The following SIPA1L3 variants were observed in gnomAD, a reference collection of about 807,000 sequenced individuals.
SIPA1L3 encodes the protein signal-induced proliferation-associated 1-like protein 3.
Under a neutral mutation model 150.1 loss-of-function variants are expected in SIPA1L3, and 59 were observed. The observed-to-expected ratio is 0.39, with a 90% CI of 0.32 to 0.49. The LOEUF (loss-of-function observed/expected upper bound fraction) is 0.49, where lower values mean the gene tolerates loss of function less well. SIPA1L3 is among the 20% of genes least tolerant of loss of function. SIPA1L3 has a pLI of 0.86. For missense variants in SIPA1L3, 2,211 were observed against 2,489.5 expected (o/e 0.89, Z 2.38); for synonymous variants, 1,070 against 1,077.6 (o/e 0.99, Z 0.14).
At chr19:38,078,955 C>T (rs1969916285) in intron 2 of SIPA1L3, among the ~76,000 whole-genome samples, 1 of 152,136 alleles carries the variant, frequency 6.6e-6, no homozygotes. Context: ...GCACAGACTC[C>T]CTTCCCCAGG....
chr19:38,142,236 A>T (rs1971603150), intron 11 of SIPA1L3, among the ~76,000 whole-genome samples: 2 of 152,216 alleles, frequency 1.3e-5, no homozygotes, highest in Admixed American at 1.3e-4. Flanking sequence ...TTTTCCAAAA[A>T]ATGAAGGAAT....
chr19:38,126,631 G>A (rs899128928), intron 9 of SIPA1L3, among the ~76,000 whole-genome samples: 7 of 151,690 alleles, frequency 4.6e-5, no homozygotes, highest in African/African-American at 9.7e-5. Context: ...CCGCCTCCCC[G>A]GTTCAAGCGA....
At position 38,201,967 on chromosome 19, in the gene SIPA1L3, C is replaced by T. The variant is rs891810971; in HGVS notation, c.5090C>T (p.Pro1697Leu). 2 of 1,613,406 alleles carry T rather than the reference C, an allele frequency of 1.2e-6. No homozygotes were observed. Among genetic ancestry groups the T allele is most frequent in the Non-Finnish European group, 1.7e-6 (2 of 1,179,746 alleles). The part of the protein sequence containing the change: ...VHSHLSLERG[P>L]PTPRTTPTMS... ...AGCCACCTGAGCCTGGAGAGGGGAC[C>T]CCCGACCCCCAGGACCACCCCTACC... The change falls in exon 20 of 22, where the codon CCC (proline) becomes CTC (leucine). Residue 1697 changes from proline to leucine, a missense_variant. Transcript: ENST00000222345.
intron 15 of SIPA1L3, among the ~76,000 whole-genome samples, chr19:38,175,829 G>A (rs1972423156): frequency 6.6e-6 from 1 of 152,216 alleles, no homozygotes; most frequent in Non-Finnish European, 1.5e-5. Context: ...CAGGTGGACA[G>A]CAAAGCCCAC....
At chr19:37,962,646 C>T (rs1002455169) in intron 1 of SIPA1L3, among the ~76,000 whole-genome samples, 5 of 151,580 alleles carry the variant, frequency 3.3e-5, no homozygotes, top group East Asian at 1.9e-4. Context: ...GTGTGTTTGG[C>T]GAGGGTGTGC....
intron 10 of SIPA1L3, among the ~76,000 whole-genome samples, chr19:38,137,492 ATT>A (rs57123423): frequency 0.26 from 38,944 of 147,468 alleles, 7,154 homozygotes; most frequent in African/African-American, 0.53. Context: ...CCTGGCCCAT[ATT>A]TTTTTTTTTT....
chr19:38,089,812 A>T (rs1377807364), intron 4 of SIPA1L3, among the ~76,000 whole-genome samples: 1 of 152,234 alleles, frequency 6.6e-6, no homozygotes, highest in African/African-American at 2.4e-5. Flanking sequence ...AATAGCATTC[A>T]TTGGTTCATG....
At chr19:37,946,472 G>C (rs2046713248) in intron 1 of SIPA1L3, among the ~76,000 whole-genome samples, 1 of 152,174 alleles carries the variant, frequency 6.6e-6, no homozygotes, top group Non-Finnish European at 1.5e-5. Context: ...GTAACCAAAA[G>C]TTACCAAAGT....
intron 1 of SIPA1L3, among the ~76,000 whole-genome samples, chr19:38,018,509 A>G (rs1419855923): frequency 3.3e-5 from 5 of 152,092 alleles, no homozygotes; most frequent in African/African-American, 1.2e-4. Context: ...ATGTAAATGG[A>G]ACTGTATAAT....
chr19:38,069,136 G>A (rs1244297638), intron 2 of SIPA1L3, among the ~76,000 whole-genome samples: 13 of 152,150 alleles, frequency 8.5e-5, no homozygotes, highest in Non-Finnish European at 1.5e-5. Flanking sequence ...TAAAAATCCA[G>A]TGGGCTAAGT....
At chr19:38,005,429 T>G (rs78620994) in intron 1 of SIPA1L3, among the ~76,000 whole-genome samples, 2,110 of 152,124 alleles carry the variant, frequency 0.014, 48 homozygotes, top group African/African-American at 0.046. Flanking sequence ...CACCATGTCT[T>G]CGCCTTGCTC....
intron 2 of SIPA1L3, among the ~76,000 whole-genome samples, chr19:38,079,800 C>T (rs527797861): frequency 6.6e-6 from 1 of 151,004 alleles, no homozygotes; most frequent in Non-Finnish European, 1.5e-5. Context: ...AAGTGATCCA[C>T]CCGCCTTGGC....
intron 1 of SIPA1L3, among the ~76,000 whole-genome samples, chr19:37,985,001 T>G (rs1010212103): frequency 1.7e-4 from 26 of 152,212 alleles, no homozygotes; most frequent in African/African-American, 6.3e-4. Flanking sequence ...TAGTCCTTGC[T>G]GTCCTGGAGT....
At chr19:37,993,437 T>C (rs1264549269) in intron 1 of SIPA1L3, among the ~76,000 whole-genome samples, 2 of 152,216 alleles carry the variant, frequency 1.3e-5, no homozygotes, top group African/African-American at 2.4e-5. Flanking sequence ...GTTCAAGCGA[T>C]TCTCTTGCCT....
intron 1 of SIPA1L3, among the ~76,000 whole-genome samples, chr19:37,929,802 C>CCA (rs2046536928): frequency 6.6e-6 from 1 of 152,146 alleles, no homozygotes; most frequent in African/African-American, 2.4e-5. Flanking sequence ...GTGGCCTCTG[C>CCA]TATTAACATA....
intron 12 of SIPA1L3, among the ~76,000 whole-genome samples, chr19:38,148,907 G>C (rs886260967): frequency 6.6e-6 from 1 of 152,226 alleles, no homozygotes. Flanking sequence ...TGAGGTTAAA[G>C]ACAGCAATTT....
intron 1 of SIPA1L3, among the ~76,000 whole-genome samples, chr19:37,953,978 A>C (rs920520491): frequency 2.0e-5 from 3 of 152,210 alleles, no homozygotes; most frequent in African/African-American, 7.2e-5. Context: ...GCTAACATCT[A>C]AAATAAGCTT....
chr19:37,949,197 T>C (rs1215354025), intron 1 of SIPA1L3, among the ~76,000 whole-genome samples: 2 of 152,228 alleles, frequency 1.3e-5, no homozygotes, highest in African/African-American at 4.8e-5. Context: ...CTTCTTTATC[T>C]CTGCTTTCTT....
intron 1 of SIPA1L3, among the ~76,000 whole-genome samples, chr19:38,017,920 T>C (rs1267106366): frequency 6.6e-6 from 1 of 150,766 alleles, no homozygotes; most frequent in African/African-American, 2.5e-5. Context: ...ATTCCCCTGC[T>C]TCCCATCACA....
Sources: gnomAD v4.1 joint callset for allele counts (sites outside exome capture counted in the v4.1 genomes callset) on GRCh38, gnomAD v4.1.1 for gene constraint, MANE v1.5 for transcripts, NCBI Gene and HGNC (gene_info 2026-07-23, HGNC 2026-07-21) for gene names.